The following IL1RAPL1 variants were observed in gnomAD, a reference collection of about 807,000 sequenced individuals.
The protein encoded by IL1RAPL1 is interleukin 1 receptor accessory protein like 1, also known as interleukin-1 receptor accessory protein-like 1.
In IL1RAPL1, 3 loss-of-function variants were observed where a neutral mutation model predicts 48.4. That is an observed-to-expected ratio of 0.06 (90% CI 0.03 to 0.16). The LOEUF (loss-of-function observed/expected upper bound fraction) is 0.16. Ranked by LOEUF, IL1RAPL1 falls within the 10% of genes least tolerant of loss-of-function variation. The pLI, the probability that IL1RAPL1 is intolerant of heterozygous loss-of-function variation, is 1.00. For missense variants in IL1RAPL1, 349 were observed against 530.6 expected (o/e 0.66, Z 3.36); for synonymous variants, 185 against 187.7 (o/e 0.99, Z 0.12).
At position 28,925,654 on chromosome X, in the gene IL1RAPL1, C is replaced by T. The variant is rs56896814; in HGVS notation, c.82+136229C>T. Among the ~76,000 whole-genome samples, 324 of 111,960 alleles carry T rather than the reference C, an allele frequency of 2.9e-3. 1 individual carries two copies. The highest frequency in any genetic ancestry group is 0.01 in the African/African-American group (317 of 30,836). ...ACTTAAGAACCAAAGGGGCCAGGTG[C>T]GGTGGCTCACGCCTGTAAAGCACTT... On this transcript the variant is annotated intron_variant, in intron 2 of 10. Coordinates refer to ENST00000378993, the MANE Select transcript of IL1RAPL1 (RefSeq NM_014271.4).
At chrX:29,729,761 T>G (rs760558099) in intron 6 of IL1RAPL1, among the ~76,000 whole-genome samples, 1 of 111,513 alleles carries the variant, frequency 9.0e-6, no homozygotes, top group Non-Finnish European at 1.9e-5. Flanking sequence ...TTCCCATTTC[T>G]GTCTCAGAAA....
At chrX:29,457,039 A>G (rs930858821) in intron 5 of IL1RAPL1, among the ~76,000 whole-genome samples, 3 of 109,331 alleles carry the variant, frequency 2.7e-5, no homozygotes, top group African/African-American at 1.0e-4. Context: ...GAGGCCGAGG[A>G]GGAAAGATCA....
chrX:29,802,889 G>GTGTACATA (rs1431297612), intron 6 of IL1RAPL1, among the ~76,000 whole-genome samples: 7 of 80,675 alleles, frequency 8.7e-5, no homozygotes, highest in African/African-American at 3.0e-4. Flanking sequence ...ATGTATATAT[G>GTGTACATA]TATACATATA....
intron 1 of IL1RAPL1, among the ~76,000 whole-genome samples, chrX:28,770,464 T>A (rs1936296301): frequency 8.9e-6 from 1 of 112,387 alleles, no homozygotes; most frequent in Non-Finnish European, 1.9e-5. Flanking sequence ...CAAATCGTTG[T>A]CGCCTTTGAA....
chrX:29,578,014 G>T (rs1012479238), intron 5 of IL1RAPL1, among the ~76,000 whole-genome samples: 13 of 111,890 alleles, frequency 1.2e-4, no homozygotes, highest in Admixed American at 4.8e-4. Flanking sequence ...TGGAGCCCAG[G>T]TATCAGTATA....
At chrX:29,670,254 C>T (rs1346394141) in intron 6 of IL1RAPL1, among the ~76,000 whole-genome samples, 1 of 111,451 alleles carries the variant, frequency 9.0e-6, no homozygotes, top group Admixed American at 9.6e-5. Flanking sequence ...AACAAAGTCA[C>T]AAAGACTAAC....
At chrX:28,873,106 C>CTTTTTTTTTTTTTT (rs764591682) in intron 2 of IL1RAPL1, among the ~76,000 whole-genome samples, 5 of 64,989 alleles carry the variant, frequency 7.7e-5, no homozygotes, top group Non-Finnish European at 1.0e-4. Context: ...TTTTTTTTCA[C>CTTTTTTTTTTTTTT]TTTTTTTTTT....
chrX:28,786,656 C>T (rs1936478549), intron 1 of IL1RAPL1, among the ~76,000 whole-genome samples: 1 of 111,836 alleles, frequency 8.9e-6, no homozygotes, highest in African/African-American at 3.2e-5. Context: ...TATAGACTTT[C>T]TGCTCTTAAC....
At chrX:29,172,198 A>G (rs756406581) in intron 2 of IL1RAPL1, among the ~76,000 whole-genome samples, 1 of 112,249 alleles carries the variant, frequency 8.9e-6, no homozygotes, top group African/African-American at 3.2e-5. Flanking sequence ...CTCTATAGGT[A>G]TAGCTAAATC....
At chrX:29,760,018 T>G (rs1165846056) in intron 6 of IL1RAPL1, among the ~76,000 whole-genome samples, 1 of 112,050 alleles carries the variant, frequency 8.9e-6, no homozygotes, top group Admixed American at 9.5e-5. Flanking sequence ...TTGGTTGTCT[T>G]CACCCTTAGT....
At chrX:28,827,575 C>G in intron 2 of IL1RAPL1, among the ~76,000 whole-genome samples, 1 of 111,452 alleles carries the variant, frequency 9.0e-6, no homozygotes, top group Middle Eastern at 4.7e-3. Flanking sequence ...TAAATTTTAC[C>G]TTTACCTACA....
chrX:28,894,110 A>G (rs1922844083), intron 2 of IL1RAPL1, among the ~76,000 whole-genome samples: 1 of 112,255 alleles, frequency 8.9e-6, no homozygotes, highest in Non-Finnish European at 1.9e-5. Flanking sequence ...AAGAGGTATT[A>G]ATGATAGAGG....
At chrX:29,560,556 A>ATTTTTTTTTTTTTTTTTTTTTTT (rs1171604826) in intron 5 of IL1RAPL1, among the ~76,000 whole-genome samples, 1 of 111,322 alleles carries the variant, frequency 9.0e-6, no homozygotes, top group Non-Finnish European at 1.9e-5. Context: ...CTTCTGTACT[A>ATTTTTTTTTTTTTTTTTTTTTTT]TTTTTTATTT....
At chrX:29,697,080 G>C (rs1421424216) in intron 6 of IL1RAPL1, among the ~76,000 whole-genome samples, 1 of 111,505 alleles carries the variant, frequency 9.0e-6, no homozygotes, top group African/African-American at 3.3e-5. Flanking sequence ...GTAGTGATAT[G>C]AAATAAAAAT....
At chrX:28,957,060 G>A (rs1441294288) in intron 2 of IL1RAPL1, among the ~76,000 whole-genome samples, 2 of 110,647 alleles carry the variant, frequency 1.8e-5, no homozygotes, top group African/African-American at 6.6e-5. Context: ...AGAGGTGTTT[G>A]TAGTATTCTC....
chrX:28,701,992 T>C (rs1208337084), intron 1 of IL1RAPL1, among the ~76,000 whole-genome samples: 1 of 111,852 alleles, frequency 8.9e-6, no homozygotes, highest in Non-Finnish European at 1.9e-5. Flanking sequence ...TACTTCTGCC[T>C]ATATTATAGG....
At chrX:29,347,948 G>T (rs1179108509) in intron 3 of IL1RAPL1, among the ~76,000 whole-genome samples, 1 of 111,346 alleles carries the variant, frequency 9.0e-6, no homozygotes, top group African/African-American at 3.3e-5. Flanking sequence ...CATGTTTTGG[G>T]CAGACCAGAG....
At chrX:29,333,213 C>G (rs1932908564) in intron 3 of IL1RAPL1, among the ~76,000 whole-genome samples, 1 of 107,105 alleles carries the variant, frequency 9.3e-6, no homozygotes, top group Non-Finnish European at 2.0e-5. Flanking sequence ...CCTCACTTCC[C>G]AGTAGGGGCG....
intron 5 of IL1RAPL1, among the ~76,000 whole-genome samples, chrX:29,569,614 G>A (rs1922525616): frequency 9.4e-6 from 1 of 106,505 alleles, no homozygotes; most frequent in Non-Finnish European, 1.9e-5. Context: ...TAATCATTGA[G>A]GACCATGAAT....
Sources: gnomAD v4.1 joint callset for allele counts (sites outside exome capture counted in the v4.1 genomes callset) on GRCh38, gnomAD v4.1.1 for gene constraint, MANE v1.5 for transcripts, NCBI Gene and HGNC (gene_info 2026-07-23, HGNC 2026-07-21) for gene names.